The following KCNK2 variants were observed in gnomAD, a reference collection of about 807,000 sequenced individuals.
The protein encoded by KCNK2 is potassium channel subfamily K member 2.
A neutral mutation model predicts 40.5 loss-of-function variants in KCNK2; 21 were observed. The ratio of observed to expected loss-of-function variants is 0.52; its 90% confidence interval spans 0.37 to 0.75. The LOEUF is 0.75. Among genes scored for constraint, KCNK2 ranks in the 30% least tolerant of loss-of-function variants. The pLI, the probability that KCNK2 is intolerant of heterozygous loss-of-function variation, is 0.00. For missense variants in KCNK2, 399 were observed against 531.6 expected (o/e 0.75, Z 2.45); for synonymous variants, 191 against 202.2 (o/e 0.94, Z 0.47).
chr1:215,094,528 A>G (rs945785301), intron 2 of KCNK2, among the ~76,000 whole-genome samples: 1 of 152,118 alleles, frequency 6.6e-6, no homozygotes, highest in Non-Finnish European at 1.5e-5. Context: ...CAATTTTCCT[A>G]GGACTCCCCC....
At chr1:215,126,145 T>C (rs749634987) in intron 3 of KCNK2, among the ~76,000 whole-genome samples, 2 of 152,146 alleles carry the variant, frequency 1.3e-5, no homozygotes, top group Non-Finnish European at 2.9e-5. Flanking sequence ...TAAGAGAACA[T>C]GGAAAATTTA....
intron 1 of KCNK2, among the ~76,000 whole-genome samples, chr1:215,057,310 A>G (rs527554102): frequency 6.6e-6 from 1 of 152,086 alleles, no homozygotes; most frequent in African/African-American, 2.4e-5. Context: ...TTAAGTGCTT[A>G]TAACCCTGGT....
intron 6 of KCNK2, among the ~76,000 whole-genome samples, chr1:215,230,513 A>G (rs1185299015): frequency 1.4e-4 from 4 of 28,414 alleles, no homozygotes. Flanking sequence ...GGCTGTATAT[A>G]TATATATATA....
At chr1:215,022,129 A>ATCTGTCTATCTATCT (rs5780811) in intron 1 of KCNK2, among the ~76,000 whole-genome samples, 1 of 122,962 alleles carries the variant, frequency 8.1e-6, no homozygotes, top group African/African-American at 3.3e-5. Context: ...CTATCTATCT[A>ATCTGTCTATCTATCT]ATCATCTATC....
chr1:215,133,653 TCTTA>T (rs756661184), intron 3 of KCNK2, among the ~76,000 whole-genome samples: 35 of 151,958 alleles, frequency 2.3e-4, no homozygotes, highest in Admixed American at 2.1e-3. Context: ...ACTTGTGCAA[TCTTA>T]CTTACTCTTG....
At chr1:215,074,351 T>C (rs1658860424) in intron 1 of KCNK2, among the ~76,000 whole-genome samples, 1 of 152,214 alleles carries the variant, frequency 6.6e-6, no homozygotes, top group Admixed American at 6.5e-5. Flanking sequence ...GTCAACATCT[T>C]TGGTTAATGA....
intron 1 of KCNK2, among the ~76,000 whole-genome samples, chr1:215,075,812 C>A (rs1327925038): frequency 6.6e-6 from 1 of 152,220 alleles, no homozygotes; most frequent in Non-Finnish European, 1.5e-5. Context: ...AGTTCCTCAC[C>A]ACCAAGCTAT....
chr1:215,079,663 C>T (rs1460895558), upstream of KCNK2, among the ~76,000 whole-genome samples: 1 of 152,168 alleles, frequency 6.6e-6, no homozygotes, highest in Non-Finnish European at 1.5e-5. Flanking sequence ...TGGGCAGGGA[C>T]ACAAATCCAA....
chr1:215,149,180 G>A (rs1662574005), intron 3 of KCNK2, among the ~76,000 whole-genome samples: 1 of 152,160 alleles, frequency 6.6e-6, no homozygotes, highest in Non-Finnish European at 1.5e-5. Flanking sequence ...AGTGGCGGTG[G>A]AACTGCTAGG....
At chr1:215,166,188 T>C (rs999445880) in intron 3 of KCNK2, among the ~76,000 whole-genome samples, 3 of 151,974 alleles carry the variant, frequency 2.0e-5, no homozygotes, top group Non-Finnish European at 4.4e-5. Context: ...TTATTGAAAA[T>C]TTCCATAGTG....
chr1:215,082,104 T>C (rs962079748), upstream of KCNK2: 1 of 152,198 alleles, frequency 6.6e-6, no homozygotes, highest in African/African-American at 2.4e-5. Flanking sequence ...TTTTCTTCCA[T>C]TCCCTTTGCA....
chr1:215,023,948 TG>T (rs1656902492), intron 1 of KCNK2, among the ~76,000 whole-genome samples: 1 of 152,206 alleles, frequency 6.6e-6, no homozygotes, highest in Non-Finnish European at 1.5e-5. Context: ...AGGAGAAGGA[TG>T]AAATCTGCAT....
intron 6 of KCNK2, among the ~76,000 whole-genome samples, chr1:215,222,002 A>G (rs1359426799): frequency 6.6e-6 from 1 of 152,182 alleles, no homozygotes; most frequent in Non-Finnish European, 1.5e-5. Context: ...GTGGAAGGCA[A>G]AGTGGGAGCA....
At chr1:215,042,997 T>G (rs1657619028) in intron 1 of KCNK2, among the ~76,000 whole-genome samples, 1 of 152,228 alleles carries the variant, frequency 6.6e-6, no homozygotes, top group African/African-American at 2.4e-5. Context: ...TTTATTGCTA[T>G]GCAGCCTCTG....
At chr1:215,209,472 T>TGTATA in intron 6 of KCNK2, among the ~76,000 whole-genome samples, 1 of 24,132 alleles carries the variant, frequency 4.1e-5, no homozygotes, top group Non-Finnish European at 1.3e-4. Flanking sequence ...ATATATAATA[T>TGTATA]ATATTATATA....
intron 5 of KCNK2, among the ~76,000 whole-genome samples, chr1:215,188,662 A>G (rs1664547859): frequency 6.6e-6 from 1 of 152,104 alleles, no homozygotes; most frequent in Non-Finnish European, 1.5e-5. Flanking sequence ...GTTGACTAAG[A>G]GTTTTGCAAC....
At chr1:215,058,061 A>G (rs1469959489) in intron 1 of KCNK2, among the ~76,000 whole-genome samples, 1 of 152,128 alleles carries the variant, frequency 6.6e-6, no homozygotes, top group African/African-American at 2.4e-5. Context: ...GGGAAAGTAG[A>G]CTATGAGGAA....
chr1:215,089,345 G>T (rs1209856503), intron 2 of KCNK2, among the ~76,000 whole-genome samples: 1 of 152,120 alleles, frequency 6.6e-6, no homozygotes, highest in Non-Finnish European at 1.5e-5. Flanking sequence ...GAAACAGTTG[G>T]AGTAGTTAGC....
chr1:215,042,948 G>A (rs1046360256), intron 1 of KCNK2, among the ~76,000 whole-genome samples: 1 of 152,118 alleles, frequency 6.6e-6, no homozygotes, highest in Non-Finnish European at 1.5e-5. Flanking sequence ...TGAATTTAAT[G>A]TTATCTCTTA....
Sources: gnomAD v4.1 joint callset for allele counts (sites outside exome capture counted in the v4.1 genomes callset) on GRCh38, gnomAD v4.1.1 for gene constraint, MANE v1.5 for transcripts, NCBI Gene and HGNC (gene_info 2026-07-23, HGNC 2026-07-21) for gene names.